Variants in MARK1 observed in about 807,000 individuals in gnomAD.
MARK1 encodes the protein microtubule affinity regulating kinase 1, also known as serine/threonine-protein kinase MARK1.
Under a neutral mutation model 96.3 loss-of-function variants are expected in MARK1, and 40 were observed. The ratio of observed to expected loss-of-function variants is 0.42; its 90% CI spans 0.32 to 0.54. MARK1 has a LOEUF of 0.54. Ranked by LOEUF, MARK1 falls within the 20% of genes least tolerant of loss-of-function variation. The pLI is 0.16. For missense variants in MARK1, 719 were observed against 984.6 expected, an observed-to-expected ratio of 0.73 and a Z score of 3.61; for synonymous variants, 317 against 341.2, an observed-to-expected ratio of 0.93 and a Z score of 0.78.
intron 1 of MARK1, among the ~76,000 whole-genome samples, chr1:220,534,954 T>G (rs1660583183): frequency 6.6e-6 from 1 of 152,140 alleles, no homozygotes; most frequent in Admixed American, 6.5e-5. Flanking sequence ...CTTCTACTTC[T>G]TGGCTCTTAT....
intron 3 of MARK1, among the ~76,000 whole-genome samples, chr1:220,583,020 G>A (rs1664341596): frequency 6.6e-6 from 1 of 152,100 alleles, no homozygotes; most frequent in Non-Finnish European, 1.5e-5. Flanking sequence ...CATGTGTTTA[G>A]AACATTCAGC....
chr1:220,651,975 T>A lies in MARK1; in HGVS notation c.1572-11T>A, dbSNP rs1558325307. 1.3e-6 allele frequency: 2 copies of A among 1,553,528 alleles called. No homozygotes were observed. Among genetic ancestry groups the A allele is most frequent in the Non-Finnish European group, 1.8e-6 (2 of 1,137,920 alleles). ...TTTTCCATGGTCTTCTCAACTGCTTTATGGTGAAAGCCTTACGGAGATGTC... is the reference window on the plus strand; with the variant it reads ...TTTTCCATGGTCTTCTCAACTGCTTAATGGTGAAAGCCTTACGGAGATGTC... On this transcript the variant is annotated splice_polypyrimidine_tract_variant and intron_variant, in intron 14 of 17. Transcript: ENST00000366917.
At chr1:220,542,463 T>C (rs1374921863) in intron 1 of MARK1, among the ~76,000 whole-genome samples, 1 of 152,214 alleles carries the variant, frequency 6.6e-6, no homozygotes, top group East Asian at 1.9e-4. Context: ...GAACTCCTCT[T>C]TGCCTGATTG....
chr1:220,632,632 T>C (rs1026668490), intron 11 of MARK1, among the ~76,000 whole-genome samples: 2 of 152,184 alleles, frequency 1.3e-5, no homozygotes, highest in African/African-American at 4.8e-5. Flanking sequence ...TTATTCCAAG[T>C]GTGCAGAAAA....
At chr1:220,657,363 A>G (rs1437745067) in intron 16 of MARK1, among the ~76,000 whole-genome samples, 1 of 152,202 alleles carries the variant, frequency 6.6e-6, no homozygotes, top group Non-Finnish European at 1.5e-5. Flanking sequence ...TTTATTTGCT[A>G]ACTACAAGGT....
intron 1 of MARK1, among the ~76,000 whole-genome samples, chr1:220,535,268 C>T (rs764161609): frequency 6.6e-6 from 1 of 152,038 alleles, no homozygotes; most frequent in Non-Finnish European, 1.5e-5. Context: ...TATAGCTATC[C>T]TAACAGTTGT....
At chr1:220,574,920 C>T (rs1328546326) in intron 1 of MARK1, among the ~76,000 whole-genome samples, 1 of 152,158 alleles carries the variant, frequency 6.6e-6, no homozygotes, top group Admixed American at 6.6e-5. Flanking sequence ...TGTGACAGCC[C>T]TACCTTCAGG....
At chr1:220,646,688 A>G (rs1668593495) in intron 13 of MARK1, among the ~76,000 whole-genome samples, 1 of 152,236 alleles carries the variant, frequency 6.6e-6, no homozygotes, top group African/African-American at 2.4e-5. Flanking sequence ...ACAGCATGGT[A>G]TTGGTACAAA....
chr1:220,639,535 T>A (rs1668155807), intron 13 of MARK1, among the ~76,000 whole-genome samples: 1 of 152,160 alleles, frequency 6.6e-6, no homozygotes, highest in Non-Finnish European at 1.5e-5. Context: ...TGCACATCCT[T>A]ATACATTTAT....
At chr1:220,551,454 C>T (rs145892237) in intron 1 of MARK1, among the ~76,000 whole-genome samples, 19 of 152,306 alleles carry the variant, frequency 1.2e-4, no homozygotes, top group African/African-American at 4.6e-4. Flanking sequence ...CACTCCTTGT[C>T]AGCTTGGCCA....
rs1290032963 is a variant in MARK1, at chr1:220,618,849, T to C, written c.909+94T>C. On this transcript the variant is annotated intron_variant, in intron 9 of 17. Transcript: ENST00000366917. The surrounding 1 kb of genome is among the most constrained non-coding windows in gnomAD (Gnocchi z 4.6). The stretch of plus-strand genomic sequence containing the variant: ...TTTCTCCTATGTTTTCTTAGGAAAA[T>C]TGCCAAATTATCTAATCTGCCTTTT... The C allele has an allele frequency of 8.8e-7, 1 of 1,131,438 alleles. No individual in the cohort carries two copies. The highest frequency in any genetic ancestry group is 1.6e-5 in the African/African-American group (1 of 62,872). 70.1% of individuals were successfully genotyped at this position (1,131,438 alleles called of 1,614,324 possible). A position where few individuals can be genotyped will look rare whatever the true frequency, so the allele number is the denominator to read the frequency against.
chr1:220,626,971 A>G (rs906648466), intron 9 of MARK1: 1 of 515,272 alleles, frequency 1.9e-6, no homozygotes, highest in Non-Finnish European at 3.9e-6. Context: ...CCCTGGATAC[A>G]GAGATCCCTA....
At chr1:220,537,246 A>G (rs1370962745) in intron 1 of MARK1, among the ~76,000 whole-genome samples, 2 of 56,628 alleles carry the variant, frequency 3.5e-5, no homozygotes, top group African/African-American at 1.5e-4. Flanking sequence ...CCCTCCCCCC[A>G]CCCCACAACA....
chr1:220,543,536 G>A (rs1198157743), intron 1 of MARK1, among the ~76,000 whole-genome samples: 1 of 152,024 alleles, frequency 6.6e-6, no homozygotes. Context: ...GTAGTTTAGA[G>A]GCCATTCTAT....
chr1:220,537,924 T>G (rs1408841252), intron 1 of MARK1, among the ~76,000 whole-genome samples: 2 of 152,040 alleles, frequency 1.3e-5, no homozygotes, highest in South Asian at 2.1e-4. Context: ...GCCCACTTTT[T>G]GATGGGGTTG....
At chr1:220,573,831 ATGTAGTATATAT>A (rs1663652399) in intron 1 of MARK1, among the ~76,000 whole-genome samples, 2 of 151,710 alleles carry the variant, frequency 1.3e-5, no homozygotes, top group South Asian at 2.1e-4. Flanking sequence ...TGTAGTATAT[ATGTAGTATATAT>A]TGTAGTATAT....
chr1:220,598,398 T>TATATA lies in MARK1; in HGVS notation c.358+19_358+20insATATA. Reference sequence around the variant, plus strand: ...AATATAGGTATGAAATATATATATATTATATATATATATATATATAATTAG... The same window carrying TATATA: ...AATATAGGTATGAAATATATATATATATATATATATATATATATATATATAATTAG... On this transcript the variant is annotated intron_variant, in intron 4 of 17. Transcript: ENST00000366917. The TATATA allele has an allele frequency of 4.7e-6, 1 of 213,524 alleles. No homozygotes were observed. The highest frequency in any genetic ancestry group is 9.5e-6 in the Non-Finnish European group (1 of 104,994). 13.2% of individuals were successfully genotyped at this position (213,524 alleles called of 1,614,324 possible). A position where few individuals can be genotyped will look rare whatever the true frequency, so the allele number is the denominator to read the frequency against.
At chr1:220,606,160 A>G (rs1413931762) in intron 6 of MARK1, among the ~76,000 whole-genome samples, 1 of 152,162 alleles carries the variant, frequency 6.6e-6, no homozygotes, top group Non-Finnish European at 1.5e-5. Context: ...ATTTCTCCAC[A>G]TCCTCTCCAG....
intron 9 of MARK1, among the ~76,000 whole-genome samples, chr1:220,625,218 T>C (rs1024032421): frequency 5.9e-5 from 9 of 152,230 alleles, no homozygotes; most frequent in Non-Finnish European, 1.3e-4. Context: ...CAACTAACTG[T>C]AATCAAAGGT....
Sources: allele counts gnomAD v4.1 joint callset (sites outside exome capture counted in the v4.1 genomes callset), GRCh38; gene constraint gnomAD v4.1.1; non-coding constraint Gnocchi (gnomAD v3.1); transcripts MANE v1.5; gene names NCBI Gene and HGNC (gene_info 2026-07-23, HGNC 2026-07-21).